SLC43A2: variants seen among roughly 807,000 people sequenced by gnomAD.
The protein encoded by SLC43A2 is solute carrier family 43 member 2, also known as large neutral amino acids transporter small subunit 4.
In SLC43A2, 38 loss-of-function variants were observed where a neutral mutation model predicts 63.2. The observed-to-expected ratio is 0.60, with a 90% CI of 0.46 to 0.79. The LOEUF (loss-of-function observed/expected upper bound fraction) is 0.79, where lower values mean the gene tolerates loss of function less well. Ranked by LOEUF, SLC43A2 falls within the 30% of genes least tolerant of loss-of-function variation. SLC43A2 has a pLI of 0.00. For missense variants in SLC43A2, 644 were observed against 756.2 expected, an observed-to-expected ratio of 0.85 and a Z score of 1.74; for synonymous variants, 322 against 331.0, an observed-to-expected ratio of 0.97 and a Z score of 0.30.
At chr17:1,592,689 G>A (rs1904932506) in intron 6 of SLC43A2, among the ~76,000 whole-genome samples, 1 of 152,192 alleles carries the variant, frequency 6.6e-6, no homozygotes, top group South Asian at 2.1e-4. Context: ...CAGGGTCTGG[G>A]GAACTTGGGC....
chr17:1,598,025 G>T (rs989416062), intron 5 of SLC43A2, among the ~76,000 whole-genome samples: 1 of 152,194 alleles, frequency 6.6e-6, no homozygotes, highest in African/African-American at 2.4e-5. Context: ...AGGCATCTCC[G>T]TGGCCATATC....
chr17:1,605,047 G>T lies in SLC43A2; in HGVS notation c.501+8148C>A. 1 of 1,415,048 alleles carries T rather than the reference G, an allele frequency of 7.1e-7. No homozygotes were observed. The highest frequency in any genetic ancestry group is 9.2e-7 in the Non-Finnish European group (1 of 1,086,126). The allele number at this position is 1,415,048 out of a possible 1,614,324, so 87.7% of individuals were successfully genotyped here. ...GACCAGCTTTGCTGCCAAGCAGGAA[G>T]CCGGAGCTGTTTCCTGACTCACCAC... is the stretch of plus-strand genomic sequence containing the variant. On this transcript the variant is annotated intron_variant, in intron 5 of 13. Transcript: ENST00000301335. This position sits in a 1 kb window ranked among gnomAD's most constrained non-coding sequence, Gnocchi z 4.9.
At chr17:1,588,805 G>A (rs760028305) in intron 9 of SLC43A2, among the ~76,000 whole-genome samples, 20 of 152,000 alleles carry the variant, frequency 1.3e-4, no homozygotes, top group Non-Finnish European at 2.2e-4. Context: ...GGTCTCAAAC[G>A]CTGGGAGGCA....
At chr17:1,585,208 T>C in intron 10 of SLC43A2, 1 of 994,164 alleles carries the variant, frequency 1.0e-6, no homozygotes, top group Non-Finnish European at 1.2e-6. Flanking sequence ...TTCACCTGTG[T>C]CTCTTTTTCT....
rs1266944277 is a variant in SLC43A2, at chr17:1,590,940, A to C, written c.940T>G (p.Ser314Ala). 6.5e-7 allele frequency: 1 copy of C among 1,550,186 alleles called. No homozygotes were observed. Among genetic ancestry groups the C allele is most frequent in the South Asian group, 1.2e-5 (1 of 84,006 alleles). ...KCQPDAAVAP[S>A]FMHSVFSPIL... ...GGGCTGAACACGCTGTGCATGAAGG[A>C]GGGGGCCACTGCAGGGAGAGGGTGC... Residue 314 changes from serine to alanine, a missense_variant, in exon 9 of 14, where the codon TCC (serine) becomes GCC (alanine). Physicochemically the swap from Ser to Ala is moderately conservative, Grantham distance 99. Transcript: ENST00000301335.
chr17:1,600,668 C>G (rs1296725575), intron 5 of SLC43A2, among the ~76,000 whole-genome samples: 1 of 150,028 alleles, frequency 6.7e-6, no homozygotes, highest in Non-Finnish European at 1.5e-5. Context: ...ATTCTCCTGC[C>G]TCAGCCTCCC....
At position 1,593,227 on chromosome 17, in the gene SLC43A2, C is replaced by G. The variant is rs1904986676; in HGVS notation, c.554G>C (p.Gly185Ala). Residue 185 changes from glycine (G) to alanine (A), a missense_variant, in exon 6 of 14, where the codon GGG becomes GCG. Gly to Ala is a moderately conservative substitution (Grantham distance 60). This residue lies in a region of SLC43A2 where 528 missense variants were observed against 623.6 expected (regional missense o/e 0.85). Coordinates refer to ENST00000301335, the MANE Select transcript of SLC43A2 (RefSeq NM_152346.3). The surrounding 1 kb of genome is among the most constrained non-coding windows in gnomAD (Gnocchi z 5.3). ...GGTGACTGCCGAGGAGGCGTAGGAC[C>G]CAATCATCAAGGCAATAAACGTGGA... is the stretch of plus-strand genomic sequence containing the variant. ...LRSTFIALMI[G>A]SYASSAVTFP... The G allele has an allele frequency of 3.1e-6, 5 of 1,614,036 alleles. No homozygotes were observed. In the Middle Eastern group the frequency reaches 4.9e-4, roughly 160 times the overall value.
At position 1,594,884 on chromosome 17, in the gene SLC43A2, A is replaced by T. The variant is rs76608232; in HGVS notation, c.502-1605T>A. 5.9e-5 allele frequency among the ~76,000 whole-genome samples: 9 copies of T among 151,348 alleles called. No individual in the cohort carries two copies. In the East Asian group the frequency reaches 1.6e-3, roughly 26 times the overall value. On this transcript the variant is annotated intron_variant, in intron 5 of 13. Transcript: ENST00000301335. Reference sequence around the variant, plus strand: ...ATTACAGGCGTGAGCCACCGCGCCCAACCTTTTTTTCTTGTTTTAAGAGAC... The same window carrying T: ...ATTACAGGCGTGAGCCACCGCGCCCTACCTTTTTTTCTTGTTTTAAGAGAC...
chr17:1,579,734 G>T (rs1366707231), intron 11 of SLC43A2, among the ~76,000 whole-genome samples: 3 of 152,014 alleles, frequency 2.0e-5, no homozygotes, highest in African/African-American at 7.2e-5. Flanking sequence ...CTACTCAGGA[G>T]GCTGAGGTGG....
chr17:1,599,313 CT>C (rs1314202361), intron 5 of SLC43A2, among the ~76,000 whole-genome samples: 1 of 151,978 alleles, frequency 6.6e-6, no homozygotes, highest in Admixed American at 6.6e-5. Context: ...GCACTCCAGC[CT>C]GGCGACAGAG....
chr17:1,588,231 C>G (rs1280037052), intron 9 of SLC43A2, among the ~76,000 whole-genome samples: 1 of 151,738 alleles, frequency 6.6e-6, no homozygotes, highest in African/African-American at 2.4e-5. Flanking sequence ...ACTAAAAATA[C>G]AAAAATTAGC....
intron 2 of SLC43A2, among the ~76,000 whole-genome samples, chr17:1,624,155 G>A (rs531332107): frequency 3.9e-5 from 6 of 152,362 alleles, no homozygotes; most frequent in African/African-American, 1.4e-4. Flanking sequence ...TCCACATGTA[G>A]GCCTGGAGCG....
rs1258268038 is a variant in SLC43A2, at chr17:1,583,409, C to G, written c.1218-73G>C. 26 of 1,590,600 alleles carry G rather than the reference C, an allele frequency of 1.6e-5. No individual in the cohort carries two copies. The highest frequency in any genetic ancestry group is 2.1e-5 in the Non-Finnish European group (25 of 1,165,766). On this transcript the variant is annotated intron_variant, in intron 10 of 13. Transcript: ENST00000301335. This position sits in a 1 kb window ranked among gnomAD's most constrained non-coding sequence, Gnocchi z 5.5. Reference sequence around the variant, plus strand: ...GCCGGGTGCTCCTGAGAAGTCAGGCCTCAAGCGTCGCAGCAGGTAAACTGA... The same window carrying G: ...GCCGGGTGCTCCTGAGAAGTCAGGCGTCAAGCGTCGCAGCAGGTAAACTGA...
intron 5 of SLC43A2, among the ~76,000 whole-genome samples, chr17:1,595,575 G>A (rs1905221778): frequency 6.6e-6 from 1 of 151,940 alleles, no homozygotes; most frequent in Non-Finnish European, 1.5e-5. Flanking sequence ...CGTCCTGTGT[G>A]GCTGGGACCA....
chr17:1,618,484 G>T (rs866985965), intron 2 of SLC43A2, among the ~76,000 whole-genome samples: 1 of 152,206 alleles, frequency 6.6e-6, no homozygotes, highest in Admixed American at 6.5e-5. Context: ...AGGCTCCGGC[G>T]GGGAATCACG....
chr17:1,584,820 A>AG (rs1437814336), intron 10 of SLC43A2, among the ~76,000 whole-genome samples: 1 of 18,684 alleles, frequency 5.4e-5, no homozygotes, highest in Non-Finnish European at 9.2e-4. Context: ...ACTCCGTCTC[A>AG]AAAAAAAAAA....
intron 9 of SLC43A2, 53 bp downstream of exon 9, chr17:1,590,749 G>A: frequency 6.5e-7 from 1 of 1,545,426 alleles, no homozygotes; most frequent in South Asian, 1.2e-5. Context: ...GTGGCCAGTG[G>A]GCTGGGCTCA....
intron 8 of SLC43A2, 127 bp downstream of exon 8, chr17:1,591,141 TC>T (rs1904731466): frequency 2.2e-6 from 3 of 1,338,728 alleles, no homozygotes; most frequent in Admixed American, 2.3e-5. Flanking sequence ...CCCCAGGCCT[TC>T]CTGAGCGCCT....
chr17:1,578,462 T>C lies in SLC43A2; in HGVS notation c.1351-139A>G, dbSNP rs1157421561. 5.2e-5 allele frequency: 37 copies of C among 706,712 alleles called. No homozygotes were observed. In the South Asian group the frequency reaches 7.1e-4, roughly 14 times the overall value. The allele number at this position is 706,712 out of a possible 1,614,324, so 43.8% of individuals were successfully genotyped here. On this transcript the variant is annotated intron_variant, in intron 11 of 13. Transcript: ENST00000301335. The surrounding 1 kb of genome is among the most constrained non-coding windows in gnomAD (Gnocchi z 6.5). Reference sequence around the variant, plus strand: ...GATCAACCCCATCCTCCGGAGCCAATTGTGAATTTTCAGAAATTTTGCAAG... The same window carrying C: ...GATCAACCCCATCCTCCGGAGCCAACTGTGAATTTTCAGAAATTTTGCAAG...
Sources: gnomAD v4.1 joint callset for allele counts (sites outside exome capture counted in the v4.1 genomes callset) on GRCh38, gnomAD v4.1.1 for gene constraint, gnomAD v4.1.1 regional missense constraint, Gnocchi (gnomAD v3.1) non-coding constraint, MANE v1.5 for transcripts, NCBI Gene and HGNC (gene_info 2026-07-23, HGNC 2026-07-21) for gene names.